The following GALNT15 variants were observed in gnomAD, a reference collection of about 807,000 sequenced individuals.
GALNT15 encodes the protein UDP-GalNAc transferase T15.
GALNT15 carries 67 observed loss-of-function variants against 66.8 expected under a neutral mutation model. The observed-to-expected ratio is 1.00, with a 90% CI of 0.82 to 1.23. The LOEUF is 1.23. GALNT15 is among the 50% of genes most tolerant of loss of function. The probability of loss-of-function intolerance (pLI) is 0.00; values close to 1 mark genes in which losing one functional copy is unlikely to be tolerated. For missense variants in GALNT15, 827 were observed against 804.3 expected (o/e 1.03, Z -0.34); for synonymous variants, 313 against 311.5 (o/e 1.00, Z -0.05).
At chr3:16,215,931 GGAA>G (rs765375256) in intron 6 of GALNT15, among the ~76,000 whole-genome samples, 20 of 134,578 alleles carry the variant, frequency 1.5e-4, no homozygotes, top group South Asian at 2.8e-4. Flanking sequence ...AAAAAGAAGA[GGAA>G]GAAGAAGAAG....
chr3:16,183,937 C>G lies in GALNT15; in HGVS notation c.539+8247C>G, dbSNP rs147548128. ...GAGGGTGTGCATCTGTATGTAAACA[C>G]AAGACACCAGACTCCTCTGATCTTG... On this transcript the variant is annotated intron_variant, in intron 1 of 9. Transcript: ENST00000339732. This position sits in a 1 kb window ranked among gnomAD's most constrained non-coding sequence, Gnocchi z 5.2. 1.3e-5 allele frequency among the ~76,000 whole-genome samples: 2 copies of G among 152,214 alleles called. No individual in the cohort carries two copies. The highest frequency in any genetic ancestry group is 2.9e-5 in the Non-Finnish European group (2 of 68,040).
chr3:16,241,170 A>C, the GALNT15 span, among the ~76,000 whole-genome samples: 2 of 152,280 alleles, frequency 1.3e-5, no homozygotes, highest in South Asian at 2.1e-4. This position sits in a 1 kb window ranked among gnomAD's most constrained non-coding sequence, Gnocchi z 4.6. Context: ...ATTATCAAAA[A>C]GATGTTTCCT....
In GALNT15 at chr3:16,228,781, G is replaced by A. The variant is rs939847240; in HGVS notation, c.*1281G>A. Reference sequence around the variant, plus strand: ...CCAGAGCCTGAGCCAAAATTCTTATGACAGGTAACATTTGGGTGTTAATGT... The same window carrying A: ...CCAGAGCCTGAGCCAAAATTCTTATAACAGGTAACATTTGGGTGTTAATGT... On this transcript the variant is annotated 3_prime_UTR_variant, in exon 10 of 10. Coordinates refer to ENST00000339732, the MANE Select transcript of GALNT15 (RefSeq NM_054110.5). The A allele has an allele frequency of 2.0e-5, 20 of 985,326 alleles. No homozygotes were observed. The highest frequency in any genetic ancestry group is 3.5e-5 in the African/African-American group (2 of 57,222). The allele number at this position is 985,326 out of a possible 1,614,324, so 61.0% of individuals were successfully genotyped here.
intron 1 of GALNT15, among the ~76,000 whole-genome samples, chr3:16,185,625 G>A (rs1239683794): frequency 6.6e-6 from 1 of 152,204 alleles, no homozygotes; most frequent in Admixed American, 6.5e-5. Context: ...CGTAGACAGT[G>A]CAGAATGTGT....
intron 9 of GALNT15, among the ~76,000 whole-genome samples, chr3:16,223,559 C>A (rs2063971854): frequency 6.6e-6 from 1 of 152,122 alleles, no homozygotes; most frequent in South Asian, 2.1e-4. Flanking sequence ...TTAAAGCAGG[C>A]TGTGAAAGAA....
chr3:16,215,969 A>G (rs1045655397), intron 6 of GALNT15, among the ~76,000 whole-genome samples: 13 of 151,732 alleles, frequency 8.6e-5, no homozygotes, highest in Admixed American at 5.3e-4. Context: ...TAAATGTTCC[A>G]CAGACTTACA....
At chr3:16,232,099 T>G (rs2064087533), downstream of GALNT15, 1 of 676,062 alleles carries the variant, frequency 1.5e-6, no homozygotes, top group South Asian at 2.1e-5. Context: ...TCTCCAAAAC[T>G]CTCCAAAATT....
At position 16,184,864 on chromosome 3, in the gene GALNT15, G is replaced by T. The variant is rs967074097; in HGVS notation, c.539+9174G>T. On this transcript the variant is annotated intron_variant, in intron 1 of 9. Coordinates refer to ENST00000339732, the MANE Select transcript of GALNT15 (RefSeq NM_054110.5). The surrounding 1 kb of genome is among the most constrained non-coding windows in gnomAD (Gnocchi z 5.0). Reference sequence around the variant, plus strand: ...CCTACCCTCTGCCCTTAGGGGTGAGGGTGCTGGGTGTTTAATAAACCAACT... The same window carrying T: ...CCTACCCTCTGCCCTTAGGGGTGAGTGTGCTGGGTGTTTAATAAACCAACT... Among the ~76,000 whole-genome samples the T allele has an allele frequency of 6.6e-6, 1 of 152,154 alleles. No homozygotes were observed. The highest frequency in any genetic ancestry group is 1.5e-5 in the Non-Finnish European group (1 of 68,024).
intron 2 of GALNT15, among the ~76,000 whole-genome samples, chr3:16,199,226 A>C (rs1338145162): frequency 7.1e-6 from 1 of 140,608 alleles, no homozygotes; most frequent in African/African-American, 2.7e-5. Flanking sequence ...ACACACATGC[A>C]CTCACACACA....
intron 3 of GALNT15, 87 bp from the exon 4 acceptor site, chr3:16,208,416 C>G: frequency 7.4e-7 from 1 of 1,360,066 alleles, no homozygotes; most frequent in Non-Finnish European, 1.0e-6. Flanking sequence ...TGGTAGCCAC[C>G]ATACTGGGCA....
rs764203262 is a variant in GALNT15 at position 16,227,550 on chromosome 3, C to T, written c.*50C>T. 1.1e-5 allele frequency: 18 copies of T among 1,613,678 alleles called. No homozygotes were observed. Among genetic ancestry groups the T allele is most frequent in the Non-Finnish European group, 1.5e-5 (18 of 1,179,862 alleles). On this transcript the variant is annotated 3_prime_UTR_variant, in exon 10 of 10. Transcript: ENST00000339732. This position sits in a 1 kb window ranked among gnomAD's most constrained non-coding sequence, Gnocchi z 4.5. ...AATTTTGGCCATCAAAATCCAGCTCCAAGTGAACTTAAAGAGCTTATATAT... is the reference window on the plus strand; with the variant it reads ...AATTTTGGCCATCAAAATCCAGCTCTAAGTGAACTTAAAGAGCTTATATAT...
rs1211864715 is a variant in GALNT15, at chr3:16,227,490, A to G, written c.1910A>G (p.Asp637Gly). 1.2e-6 allele frequency: 2 copies of G among 1,614,078 alleles called. No homozygotes were observed. The highest frequency in any genetic ancestry group is 2.7e-5 in the African/African-American group (2 of 74,934). The change falls in exon 10 of 10, where the codon GAT becomes GGT. Residue 637 changes from aspartate to glycine, a missense_variant. Physicochemically the swap from Asp to Gly is moderately conservative, Grantham distance 94 (BLOSUM62 -1). Coordinates refer to ENST00000339732, the MANE Select transcript of GALNT15 (RefSeq NM_054110.5). This position sits in a 1 kb window ranked among gnomAD's most constrained non-coding sequence, Gnocchi z 4.5. Reference protein sequence around the residue: ...QWRFDQINAVDER With the variant: ...QWRFDQINAVGER ...CGTTTTGACCAGATCAATGCTGTGG[A>G]TGAACGATGAATGTCAATGTCAGAA...
intron 4 of GALNT15, 37 bp downstream of exon 4, chr3:16,208,707 C>A: frequency 6.2e-7 from 1 of 1,600,602 alleles, no homozygotes; most frequent in South Asian, 1.1e-5. Flanking sequence ...GCCATTGCCT[C>A]CTCAGGATGG....
chr3:16,196,538 G>A (rs1167989126), intron 2 of GALNT15, among the ~76,000 whole-genome samples: 1 of 152,158 alleles, frequency 6.6e-6, no homozygotes, highest in Non-Finnish European at 1.5e-5. Context: ...CCTAAAAGAA[G>A]ATGGAGACAG....
At position 16,203,260 on chromosome 3, in the gene GALNT15, T is replaced by G. The variant is rs1023578575; in HGVS notation, c.911+2437T>G. 3.3e-5 allele frequency among the ~76,000 whole-genome samples: 5 copies of G among 152,118 alleles called. No homozygotes were observed. Among genetic ancestry groups the G allele is most frequent in the African/African-American group, 7.2e-5 (3 of 41,396 alleles). On this transcript the variant is annotated intron_variant, in intron 3 of 9. Coordinates refer to ENST00000339732, the MANE Select transcript of GALNT15 (RefSeq NM_054110.5). This position sits in a 1 kb window ranked among gnomAD's most constrained non-coding sequence, Gnocchi z 6.2. ...ACCCCACAACTGGTTATGAGACATGTGTTACCTGCTGCTGTGAGTCCCTCG... is the reference window on the plus strand; with the variant it reads ...ACCCCACAACTGGTTATGAGACATGGGTTACCTGCTGCTGTGAGTCCCTCG...
At chr3:16,247,140 T>C in the GALNT15 span, among the ~76,000 whole-genome samples, 1 of 135,736 alleles carries the variant, frequency 7.4e-6, no homozygotes, top group East Asian at 2.2e-4. Flanking sequence ...GTGTGTCTGT[T>C]TGTAAGACCT....
chr3:16,210,785 T>C (rs2063804433), intron 4 of GALNT15, among the ~76,000 whole-genome samples: 1 of 152,172 alleles, frequency 6.6e-6, no homozygotes, highest in African/African-American at 2.4e-5. Context: ...TTAGAGTACC[T>C]GATTTTAAGC....
the GALNT15 span, among the ~76,000 whole-genome samples, chr3:16,246,321 GTTT>G: frequency 1.3e-3 from 107 of 85,260 alleles, no homozygotes; most frequent in African/African-American, 4.9e-3. Context: ...TTTGAAAGTG[GTTT>G]TTTTTTTTTT....
In GALNT15 at chr3:16,175,728, G is replaced by A. The variant is rs762010718; in HGVS notation, c.539+38G>A. The stretch of plus-strand genomic sequence containing the variant: ...CTTGTTTTCCCTTCCCTGATCCCAG[G>A]GCATGATCGGGTGGTAGCAAACTCG... On this transcript the variant is annotated intron_variant, in intron 1 of 9. Transcript: ENST00000339732. This position sits in a 1 kb window ranked among gnomAD's most constrained non-coding sequence, Gnocchi z 5.6. 1.3e-6 allele frequency: 2 copies of A among 1,511,832 alleles called. No homozygotes were observed. Among genetic ancestry groups the A allele is most frequent in the South Asian group, 1.3e-5 (1 of 76,872 alleles). The allele number at this position is 1,511,832 out of a possible 1,614,324, so 93.7% of individuals were successfully genotyped here.
Sources: gnomAD v4.1 joint callset for allele counts (sites outside exome capture counted in the v4.1 genomes callset) on GRCh38, gnomAD v4.1.1 for gene constraint, Gnocchi (gnomAD v3.1) non-coding constraint, MANE v1.5 for transcripts, NCBI Gene and HGNC (gene_info 2026-07-23, HGNC 2026-07-21) for gene names.